LIPK: variants seen among roughly 807,000 people sequenced by gnomAD.
LIPK encodes the protein lipase member K.
LIPK carries 32 observed loss-of-function variants against 48.6 expected under a neutral mutation model. The observed-to-expected ratio is 0.66, with a 90% CI of 0.50 to 0.88. LIPK has a LOEUF of 0.88. Ranked by LOEUF, LIPK falls within the 40% of genes least tolerant of loss-of-function variation. LIPK has a pLI of 0.00. For missense variants in LIPK, 507 were observed against 478.5 expected (o/e 1.06, Z -0.56); for synonymous variants, 164 against 157.4 (o/e 1.04, Z -0.32).
rs530342748 is a variant in LIPK at position 88,715,415 on chromosome 10, T to C, written c.-12+9095T>C. On this transcript the variant is annotated intron_variant, in intron 1 of 9. Transcript: ENST00000404190. ...AAATATCTCACTTTGACTCTGATAATGTTCATTGTCTTGAAGCCTACTTTG... is the reference window on the plus strand; with the variant it reads ...AAATATCTCACTTTGACTCTGATAACGTTCATTGTCTTGAAGCCTACTTTG... 5.3e-5 allele frequency among the ~76,000 whole-genome samples: 8 copies of C among 152,254 alleles called. No homozygotes were observed. In the South Asian group the frequency reaches 1.7e-3, roughly 32 times the overall value.
intron 1 of LIPK, among the ~76,000 whole-genome samples, chr10:88,720,341 G>C (rs1842198621): frequency 6.6e-6 from 1 of 152,012 alleles, no homozygotes; most frequent in Non-Finnish European, 1.5e-5. Context: ...ACACAAAGAG[G>C]GGAATGACAG....
At chr10:88,737,900 A>C (rs1462375237) in intron 7 of LIPK, 119 bp downstream of exon 7, 5 of 1,024,954 alleles carry the variant, frequency 4.9e-6, no homozygotes, top group African/African-American at 4.8e-5. Flanking sequence ...TTGGAATGTA[A>C]TTAGTACATT....
chr10:88,736,455 T>C (rs929316682), intron 6 of LIPK, among the ~76,000 whole-genome samples: 1 of 152,216 alleles, frequency 6.6e-6, no homozygotes, highest in African/African-American at 2.4e-5. Flanking sequence ...AGTAGCAGCA[T>C]ACACTCATAA....
intron 6 of LIPK, 44 bp from the exon 7 acceptor site, chr10:88,737,591 A>T: frequency 6.2e-7 from 1 of 1,602,916 alleles, no homozygotes; most frequent in Non-Finnish European, 8.5e-7. Context: ...CACTTTTGAT[A>T]TCCACGCCTG....
Position 88,726,781 on chromosome 10 carries a change from T to C in LIPK, c.106-14T>C, listed in dbSNP as rs572327163. 3.2e-6 allele frequency: 4 copies of C among 1,261,156 alleles called. No individual in the cohort carries two copies. Among genetic ancestry groups the C allele is most frequent in the South Asian group, 2.5e-5 (2 of 80,088 alleles). 78.1% of individuals were successfully genotyped at this position (1,261,156 alleles called of 1,614,324 possible). On this transcript the variant is annotated splice_polypyrimidine_tract_variant and intron_variant, in intron 2 of 9. Coordinates refer to ENST00000404190, the MANE Select transcript of LIPK (RefSeq NM_001080518.2). ...TTATAACATGAAGGTATATATTTCC[T>C]TTCCTCTTTTTAGAGCCAGATTATT... is the stretch of plus-strand genomic sequence containing the variant.
chr10:88,716,196 G>C (rs1842113913), intron 1 of LIPK, among the ~76,000 whole-genome samples: 1 of 151,928 alleles, frequency 6.6e-6, no homozygotes, highest in Admixed American at 6.6e-5. Flanking sequence ...AGACTAGATA[G>C]GTAATAGTAA....
intron 6 of LIPK, among the ~76,000 whole-genome samples, chr10:88,735,662 G>A (rs1328065451): frequency 6.6e-6 from 1 of 152,278 alleles, no homozygotes; most frequent in Non-Finnish European, 1.5e-5. Context: ...CATGTTGCCA[G>A]AAAGAGGGGT....
rs1590156029 is a variant in LIPK at position 88,740,052 on chromosome 10, G to C, written c.873G>C (p.Met291Ile). 1 of 1,498,650 alleles carries C rather than the reference G, an allele frequency of 6.7e-7. No homozygotes were observed. Among genetic ancestry groups the C allele is most frequent in the Middle Eastern group, 1.8e-4 (1 of 5,496 alleles). The allele number at this position is 1,498,650 out of a possible 1,614,324, so 92.8% of individuals were successfully genotyped here. The change falls in exon 8 of 10, where the codon ATG (methionine) becomes ATC (isoleucine). Residue 291 changes from methionine to isoleucine, a missense_variant. Transcript: ENST00000404190. ...HNPAGTSVQN[M>I]LHWAQAVNSG... ...CTGCGGGAACATCTGTTCAGAATAT[G>C]CTGCACTGGGCTCAGGTAAGTGCTT...
At chr10:88,752,494 T>A (rs1454461018) in intron 9 of LIPK, 23 bp from the exon 10 acceptor site, 1 of 1,510,728 alleles carries the variant, frequency 6.6e-7, no homozygotes, top group East Asian at 2.5e-5. Flanking sequence ...AAAACTTTTC[T>A]CTCTCTCTTT....
chr10:88,737,167 TAATTA>T (rs1243174195), intron 6 of LIPK, among the ~76,000 whole-genome samples: 2 of 152,206 alleles, frequency 1.3e-5, no homozygotes, highest in African/African-American at 4.8e-5. Context: ...ATTTATACTT[TAATTA>T]AATAATACTT....
In LIPK at chr10:88,708,536, G is replaced by T. The variant is rs546525697; in HGVS notation, c.-12+2216G>T. On this transcript the variant is annotated intron_variant, in intron 1 of 9. Coordinates refer to ENST00000404190, the MANE Select transcript of LIPK (RefSeq NM_001080518.2). ...CCAAAGTTTGCAAAACTCTGTAAGTGACTGCAAATTTTTAGGTTGGCATAT... is the reference window on the plus strand; with the variant it reads ...CCAAAGTTTGCAAAACTCTGTAAGTTACTGCAAATTTTTAGGTTGGCATAT... Among the ~76,000 whole-genome samples, 31 of 152,058 alleles carry T rather than the reference G, an allele frequency of 2.0e-4. No homozygotes were observed. In the East Asian group the frequency reaches 6.0e-3, roughly 29 times the overall value.
intron 8 of LIPK, among the ~76,000 whole-genome samples, chr10:88,741,941 C>G (rs1006509967): frequency 1.3e-5 from 2 of 152,142 alleles, no homozygotes; most frequent in African/African-American, 4.8e-5. Context: ...AGTGTTTTAA[C>G]AGACTCACAG....
At chr10:88,740,779 T>C (rs935716000) in intron 8 of LIPK, among the ~76,000 whole-genome samples, 2 of 151,650 alleles carry the variant, frequency 1.3e-5, no homozygotes, top group Non-Finnish European at 2.9e-5. Flanking sequence ...AAAGTGGTGG[T>C]GTCTTCTTAA....
chr10:88,712,654 A>G (rs1230231621), intron 1 of LIPK, among the ~76,000 whole-genome samples: 1 of 152,110 alleles, frequency 6.6e-6, no homozygotes, highest in African/African-American at 2.4e-5. Flanking sequence ...ATTAACACAT[A>G]CATCAGCTTA....
chr10:88,732,559 A>C lies in LIPK; in HGVS notation c.669+8A>C. ...TCCAGGCGAGTAGTTAAGGTATGTG[A>C]CTTCCCAAGTTTTAATCTGAAATAA... is the stretch of plus-strand genomic sequence containing the variant. On this transcript the variant is annotated splice_region_variant and intron_variant, in intron 6 of 9. Coordinates refer to ENST00000404190, the MANE Select transcript of LIPK (RefSeq NM_001080518.2). 1 of 1,588,998 alleles carries C rather than the reference A, an allele frequency of 6.3e-7. No individual in the cohort carries two copies.
chr10:88,744,132 T>G (rs1366353777), intron 9 of LIPK, among the ~76,000 whole-genome samples: 1 of 152,198 alleles, frequency 6.6e-6, no homozygotes. Flanking sequence ...TCTGAGCACA[T>G]CCCTGTCTGC....
At chr10:88,708,071 G>A (rs1841967064) in intron 1 of LIPK, among the ~76,000 whole-genome samples, 1 of 152,006 alleles carries the variant, frequency 6.6e-6, no homozygotes, top group African/African-American at 2.4e-5. Context: ...CAGTCTTCTG[G>A]CAAACCCAGT....
At chr10:88,728,724 C>T in intron 3 of LIPK, 1 of 312,032 alleles carries the variant, frequency 3.2e-6, no homozygotes, top group Non-Finnish European at 6.5e-6. Context: ...CAGTGGCTAC[C>T]CAGGTGGGCT....
At chr10:88,730,838 C>T (rs1443060922) in intron 3 of LIPK, 145 bp from the exon 4 acceptor site, 2 of 634,798 alleles carry the variant, frequency 3.2e-6, no homozygotes, top group Admixed American at 6.4e-5. Context: ...GTAAGTAGCT[C>T]AGAAGGGACT....
Sources: allele counts gnomAD v4.1 joint callset (sites outside exome capture counted in the v4.1 genomes callset), GRCh38; gene constraint gnomAD v4.1.1; transcripts MANE v1.5; gene names NCBI Gene and HGNC (gene_info 2026-07-23, HGNC 2026-07-21).